MORC1: variants seen among roughly 807,000 people sequenced by gnomAD.
MORC1 encodes the protein MORC family CW-type zinc finger protein 1.
Under a neutral mutation model 134.9 loss-of-function variants are expected in MORC1, and 59 were observed. The observed-to-expected ratio is 0.44, with a 90% CI of 0.35 to 0.54. The LOEUF (loss-of-function observed/expected upper bound fraction) is 0.54, where lower values mean the gene tolerates loss of function less well. MORC1 is among the 20% of genes least tolerant of loss of function. MORC1 has a pLI of 0.00. For missense variants in MORC1, 947 were observed against 1,134.5 expected (o/e 0.83, Z 2.37); for synonymous variants, 395 against 391.7 (o/e 1.01, Z -0.10).
At chr3:109,017,924 A>C (rs866325904) in intron 17 of MORC1, among the ~76,000 whole-genome samples, 4 of 152,222 alleles carry the variant, frequency 2.6e-5, no homozygotes, top group Admixed American at 1.3e-4. Context: ...AATCAGTGAG[A>C]GCTGCATAAG....
intron 5 of MORC1, 141 bp from the exon 6 acceptor site, chr3:109,099,607 AT>A (rs377271799): frequency 0.021 from 9,589 of 456,072 alleles, no homozygotes; most frequent in South Asian, 0.03. Context: ...AGAGGGTACA[AT>A]TTTTTTTTTT....
At chr3:109,038,798 T>C (rs1218590550) in intron 14 of MORC1, among the ~76,000 whole-genome samples, 2 of 152,326 alleles carry the variant, frequency 1.3e-5, no homozygotes, top group African/African-American at 4.8e-5. Flanking sequence ...TTGGTCTATA[T>C]ATCTGTTTTG....
chr3:109,009,955 A>G (rs1948644568), intron 17 of MORC1, among the ~76,000 whole-genome samples: 1 of 152,124 alleles, frequency 6.6e-6, no homozygotes, highest in African/African-American at 2.4e-5. Flanking sequence ...TACTGCTATC[A>G]TTCATGATCA....
intron 17 of MORC1, among the ~76,000 whole-genome samples, chr3:109,012,992 G>A (rs1286550122): frequency 1.3e-5 from 2 of 152,172 alleles, no homozygotes; most frequent in African/African-American, 4.8e-5. Flanking sequence ...ACCTTAGTGG[G>A]AGAACATTGA....
chr3:109,047,831 C>A (rs1158602121), intron 14 of MORC1, among the ~76,000 whole-genome samples: 1 of 152,024 alleles, frequency 6.6e-6, no homozygotes, highest in Non-Finnish European at 1.5e-5. Context: ...GACAGTTTTT[C>A]CTTATAGAAG....
intron 20 of MORC1, among the ~76,000 whole-genome samples, chr3:109,002,152 A>G (rs1948420021): frequency 1.3e-5 from 2 of 152,234 alleles, no homozygotes; most frequent in Non-Finnish European, 2.9e-5. Flanking sequence ...ACTTTTGTTA[A>G]GCATTATCTG....
intron 1 of MORC1, among the ~76,000 whole-genome samples, chr3:109,117,377 G>A (rs1432825998): frequency 6.7e-6 from 1 of 149,066 alleles, no homozygotes; most frequent in Admixed American, 6.7e-5. Context: ...AAACCCGGAC[G>A]TTCCACTGTG....
intron 14 of MORC1, among the ~76,000 whole-genome samples, chr3:109,054,154 T>C (rs1576684512): frequency 6.6e-6 from 1 of 151,740 alleles, no homozygotes; most frequent in South Asian, 2.1e-4. Context: ...TGGTGGCAGG[T>C]GCCTGTAATC....
chr3:109,049,091 T>C (rs1949759695), intron 14 of MORC1: 22 of 950,046 alleles, frequency 2.3e-5, no homozygotes, highest in Admixed American at 6.2e-5. Flanking sequence ...AATAAACTTG[T>C]CTCATATTCT....
chr3:108,958,986 A>AT lies in MORC1; in HGVS notation c.2933dup (p.Asn978LysfsTer2). On this transcript the variant is annotated frameshift_variant, in exon 28 of 28. Transcript: ENST00000232603. LOFTEE classifies it low-confidence loss of function (END_TRUNC). ...TGACTTAATTTTCCGAAGTCTTTTC[A>AT]TTTTTTTCTAAAGGGAGTCTATGTC... is the stretch of plus-strand genomic sequence containing the variant. 2 of 1,506,326 alleles carry AT rather than the reference A, an allele frequency of 1.3e-6. No homozygotes were observed. The highest frequency in any genetic ancestry group is 2.5e-5 in the Admixed American group (1 of 40,802). The allele number at this position is 1,506,326 out of a possible 1,614,324, so 93.3% of individuals were successfully genotyped here.
chr3:108,998,252 T>C (rs187170179), intron 21 of MORC1, among the ~76,000 whole-genome samples: 27 of 152,368 alleles, frequency 1.8e-4, no homozygotes, highest in African/African-American at 6.5e-4. Flanking sequence ...GCTGTATTTA[T>C]CTTTTAAATG....
chr3:108,994,590 T>A (rs1262156742), intron 21 of MORC1, among the ~76,000 whole-genome samples: 1 of 152,070 alleles, frequency 6.6e-6, no homozygotes, highest in Non-Finnish European at 1.5e-5. Context: ...GAAGGGTATA[T>A]GTTGCTTCAT....
intron 12 of MORC1, among the ~76,000 whole-genome samples, 182 bp from the exon 13 acceptor site, chr3:109,057,668 C>T (rs1949992236): frequency 6.7e-6 from 1 of 149,614 alleles, no homozygotes. Flanking sequence ...AACGTGATGC[C>T]AGTAACTATG....
chr3:109,059,391 T>C (rs780384159), intron 12 of MORC1, among the ~76,000 whole-genome samples: 28 of 152,222 alleles, frequency 1.8e-4, no homozygotes, highest in Non-Finnish European at 3.4e-4. Flanking sequence ...TTTCCTATCT[T>C]AAATTTTAAG....
chr3:109,004,757 A>C (rs1463527109), intron 20 of MORC1, 60 bp downstream of exon 20: 12 of 1,468,300 alleles, frequency 8.2e-6, no homozygotes, highest in Non-Finnish European at 1.1e-5. Flanking sequence ...CTTAAAGATT[A>C]AAGGTTTATC....
intron 14 of MORC1, among the ~76,000 whole-genome samples, chr3:109,049,500 A>G (rs186199003): frequency 7.9e-5 from 12 of 152,282 alleles, no homozygotes; most frequent in Non-Finnish European, 1.8e-4. Flanking sequence ...CTTTACGTAA[A>G]TCTGGGAATA....
At chr3:109,105,003 A>G (rs1950999933) in intron 3 of MORC1, among the ~76,000 whole-genome samples, 1 of 151,856 alleles carries the variant, frequency 6.6e-6, no homozygotes, top group East Asian at 1.9e-4. Flanking sequence ...CATCACCCTC[A>G]CCTTACCCTC....
intron 17 of MORC1, among the ~76,000 whole-genome samples, chr3:109,027,396 C>T (rs1217196427): frequency 6.6e-6 from 1 of 152,134 alleles, no homozygotes; most frequent in African/African-American, 2.4e-5. Flanking sequence ...GAAATAAAAA[C>T]AGCCTAACCT....
At chr3:109,002,415 C>G (rs1948429648) in intron 20 of MORC1, among the ~76,000 whole-genome samples, 1 of 152,172 alleles carries the variant, frequency 6.6e-6, no homozygotes, top group African/African-American at 2.4e-5. Flanking sequence ...CCTTCTCATG[C>G]TACAGGAGAC....
Sources: gnomAD v4.1 joint callset for allele counts (sites outside exome capture counted in the v4.1 genomes callset) on GRCh38, gnomAD v4.1.1 for gene constraint, MANE v1.5 for transcripts, NCBI Gene and HGNC (gene_info 2026-07-23, HGNC 2026-07-21) for gene names.